EVPL: variants seen among roughly 807,000 people sequenced by gnomAD.
EVPL encodes the protein 210 kDa cornified envelope precursor protein.
EVPL carries 94 observed loss-of-function variants against 129.7 expected under a neutral mutation model. The observed-to-expected ratio is 0.72, with a 90% CI of 0.61 to 0.86. The LOEUF is 0.86. EVPL is among the 40% of genes least tolerant of loss of function. The pLI is 0.00. For missense variants in EVPL, 2,625 were observed against 2,721.1 expected (o/e 0.96, Z 0.79); for synonymous variants, 1,172 against 1,191.1 (o/e 0.98, Z 0.33).
chr17:76,007,375 GC>G lies in EVPL; in HGVS notation c.5829del (p.Leu1944SerfsTer20). 5 of 1,596,652 alleles carry G rather than the reference GC, an allele frequency of 3.1e-6. No individual in the cohort carries two copies. Among genetic ancestry groups the G allele is most frequent in the Admixed American group, 1.7e-5 (1 of 59,294 alleles). ...PHLQVQHLTG[G>X]LIDPKRTGRI... ...CGGCCTGTCCTCTTGGGGTCGATGA[GC>G]CCCCCGGTCAGGTGCTGCACCTGCA... On this transcript the variant is annotated frameshift_variant, in exon 22 of 22. Transcript: ENST00000301607. LOFTEE classifies it low-confidence loss of function (END_TRUNC). This position sits in a 1 kb window ranked among gnomAD's most constrained non-coding sequence, Gnocchi z 8.8.
intron 4 of EVPL, 45 bp downstream of exon 4, chr17:76,023,247 G>A (rs757076416): frequency 7.5e-6 from 12 of 1,610,200 alleles, no homozygotes; most frequent in Middle Eastern, 1.7e-4. Flanking sequence ...ATGCAGTTCC[G>A]TATCGCCCTC....
chr17:76,015,403 C>A (rs1157316597), intron 15 of EVPL, 38 bp from the exon 16 acceptor site: 7 of 1,603,696 alleles, frequency 4.4e-6, no homozygotes, highest in Non-Finnish European at 5.1e-6. Flanking sequence ...ACTCCCTGGG[C>A]CACACGCTGC....
chr17:76,008,576 G>A lies in EVPL; in HGVS notation c.4629C>T (p.Leu1543=). The change falls in exon 22 of 22, where the codon CTC becomes CTT. Residue 1543 remains leucine, a synonymous_variant. Transcript: ENST00000301607. This position sits in a 1 kb window ranked among gnomAD's most constrained non-coding sequence, Gnocchi z 7.4. ...CCTGCCGGGCCGTGCGCTCCCTGTT[G>A]AGCATCTCCCACACGCGGGCCCGCT... is the stretch of plus-strand genomic sequence containing the variant. ...EDERARVWEM[L]NRERTARQAR... 1 of 1,610,770 alleles carries A rather than the reference G, an allele frequency of 6.2e-7. No individual in the cohort carries two copies. The highest frequency in any genetic ancestry group is 1.1e-5 in the South Asian group (1 of 91,088).
At chr17:76,014,871 T>C in intron 17 of EVPL, 45 bp downstream of exon 17, 1 of 1,530,392 alleles carries the variant, frequency 6.5e-7, no homozygotes, top group East Asian at 2.3e-5. Flanking sequence ...AATGCCTGGC[T>C]CTGCACCAGC....
chr17:76,015,996 T>A (rs1019278500), intron 14 of EVPL, among the ~76,000 whole-genome samples: 3 of 151,898 alleles, frequency 2.0e-5, no homozygotes, highest in Admixed American at 6.6e-5. Flanking sequence ...ATACAAAAAT[T>A]AGCCGGCCGT....
At chr17:76,014,714 C>A in intron 17 of EVPL, 138 bp from the exon 18 acceptor site, 1 of 1,274,402 alleles carries the variant, frequency 7.8e-7, no homozygotes, top group African/African-American at 1.5e-5. Context: ...GATCCCCACT[C>A]CCTGACCCTG....
rs575114615 is a variant in EVPL at position 76,013,838 on chromosome 17, G to A, written c.2373+588C>T. ...GCCTGGAAGCATCCCCTCCCCAGCAGCTTCTGGGGGCTGCAGGAGAGAGTG... is the reference window on the plus strand; with the variant it reads ...GCCTGGAAGCATCCCCTCCCCAGCAACTTCTGGGGGCTGCAGGAGAGAGTG... On this transcript the variant is annotated intron_variant, in intron 18 of 21. Coordinates refer to ENST00000301607, the MANE Select transcript of EVPL (RefSeq NM_001988.4). The surrounding 1 kb of genome is among the most constrained non-coding windows in gnomAD (Gnocchi z 4.3). Among the ~76,000 whole-genome samples, 1 of 152,286 alleles carries A rather than the reference G, an allele frequency of 6.6e-6. No individual in the cohort carries two copies. Among genetic ancestry groups the A allele is most frequent in the East Asian group, 1.9e-4 (1 of 5,170 alleles).
intron 11 of EVPL, 36 bp from the exon 12 acceptor site, chr17:76,018,636 C>T (rs1294163605): frequency 6.4e-7 from 1 of 1,565,322 alleles, no homozygotes; most frequent in Non-Finnish European, 8.7e-7. Flanking sequence ...CCTGAGGGCT[C>T]AGGGGCAGGG....
rs2066470578 is a variant in EVPL, at chr17:76,022,601, C to G, written c.481-63G>C. On this transcript the variant is annotated intron_variant, in intron 4 of 21. Transcript: ENST00000301607. The surrounding 1 kb of genome is among the most constrained non-coding windows in gnomAD (Gnocchi z 5.6). ...CGGTGGGGAGCCAGAGAACCCCACA[C>G]GCCTCCCACCCGGAGAAGTGGACTT... 3 of 1,529,138 alleles carry G rather than the reference C, an allele frequency of 2.0e-6. 1 individual carries two copies. In the South Asian group the frequency reaches 3.6e-5, roughly 18 times the overall value. The allele number at this position is 1,529,138 out of a possible 1,614,324, so 94.7% of individuals were successfully genotyped here. A position where few individuals can be genotyped will look rare whatever the true frequency, so the allele number is the denominator to read the frequency against.
chr17:76,018,997 C>A lies in EVPL; in HGVS notation c.1201G>T (p.Asp401Tyr). 1 of 1,568,566 alleles carries A rather than the reference C, an allele frequency of 6.4e-7. No homozygotes were observed. The highest frequency in any genetic ancestry group is 8.6e-7 in the Non-Finnish European group (1 of 1,163,826). ...CTTCGCTGTGGCAGAGGGGCCACAT[C>A]CCGGCTTCGCCGCTGCAGGTCCCCA... ...ATGDLQRRSR[D>Y]VAPLPQRRNP... Residue 401 changes from aspartate to tyrosine, a missense_variant, in exon 11 of 22, where the codon GAT (aspartate) becomes TAT (tyrosine). Around this residue, in one of 4 missense-constraint regions of EVPL, gnomAD observed 1,024 missense variants for 997.5 expected, o/e 1.03. Coordinates refer to ENST00000301607, the MANE Select transcript of EVPL (RefSeq NM_001988.4).
At chr17:76,025,010 G>A (rs1216764698) in intron 1 of EVPL, among the ~76,000 whole-genome samples, 1 of 152,188 alleles carries the variant, frequency 6.6e-6, no homozygotes, top group Non-Finnish European at 1.5e-5. Context: ...GCCCCCCCAG[G>A]CAAAGGGACA....
At chr17:76,023,921 C>T in intron 2 of EVPL, 100 bp downstream of exon 2, 1 of 1,444,820 alleles carries the variant, frequency 6.9e-7, no homozygotes, top group Admixed American at 2.0e-5. Flanking sequence ...GTCCCATCTT[C>T]ACCATCACCA....
Position 76,009,765 on chromosome 17 carries a change from C to A in EVPL, c.3440G>T (p.Gly1147Val). ...KEVKKVEQDP[G>V]LLQESSRLRS... is the part of the protein sequence containing the mutation. ...CAGCCTGGAGGACTCCTGGAGGAGC[C>A]CTGGGTCCTGCTCCACCTTCTTCAC... The change falls in exon 22 of 22, where the codon GGG becomes GTG. Residue 1147 changes from glycine to valine, a missense_variant. Physicochemically the swap from Gly to Val is moderately radical, Grantham distance 109. This residue lies in a region of EVPL where 1,453 missense variants were observed against 1,511.8 expected (regional missense o/e 0.96). Coordinates refer to ENST00000301607, the MANE Select transcript of EVPL (RefSeq NM_001988.4). This position sits in a 1 kb window ranked among gnomAD's most constrained non-coding sequence, Gnocchi z 5.9. 2 of 1,613,850 alleles carry A rather than the reference C, an allele frequency of 1.2e-6. No homozygotes were observed. Among genetic ancestry groups the A allele is most frequent in the Non-Finnish European group, 1.7e-6 (2 of 1,180,010 alleles).
chr17:76,015,616 G>T lies in EVPL; in HGVS notation c.1723C>A (p.Arg575Ser). The T allele has an allele frequency of 1.2e-6, 2 of 1,612,702 alleles. No individual in the cohort carries two copies. The highest frequency in any genetic ancestry group is 1.7e-6 in the Non-Finnish European group (2 of 1,179,610). The change falls in exon 15 of 22, where the codon CGC becomes AGC. Residue 575 changes from arginine (R) to serine (S), a missense_variant. Physicochemically the swap from Arg to Ser is moderately radical, Grantham distance 110 (BLOSUM62 -1). This residue lies in a region of EVPL where 1,024 missense variants were observed against 997.5 expected (regional missense o/e 1.03). Coordinates refer to ENST00000301607, the MANE Select transcript of EVPL (RefSeq NM_001988.4). ...RIHSHEGTAQRLQSLGTEKET... is the reference protein window; with the variant it reads ...RIHSHEGTAQSLQSLGTEKET... ...TTCTCCGTTCCCAGGCTCTGCAGGC[G>T]CTGGGCTGTGCCCTAAAGAGGGGCG... is the stretch of plus-strand genomic sequence containing the variant.
Position 76,007,871 on chromosome 17 carries a change from C to T in EVPL, c.5334G>A (p.Leu1778=). The change falls in exon 22 of 22, where the codon CTG becomes CTA. Residue 1778 remains leucine (L), a synonymous_variant. Coordinates refer to ENST00000301607, the MANE Select transcript of EVPL (RefSeq NM_001988.4). This position sits in a 1 kb window ranked among gnomAD's most constrained non-coding sequence, Gnocchi z 8.8. ...TTGGCTTGGTCTCCCCAGCTACAAGCAGCGCAAACTCGGAGATGGGCAGGT... is the reference window on the plus strand; with the variant it reads ...TTGGCTTGGTCTCCCCAGCTACAAGTAGCGCAAACTCGGAGATGGGCAGGT... ...DGHLPISEFA[L]LVAGETKPSS... 6.2e-7 allele frequency: 1 copy of T among 1,613,726 alleles called. No homozygotes were observed. The highest frequency in any genetic ancestry group is 8.5e-7 in the Non-Finnish European group (1 of 1,179,752).
At chr17:76,021,610 C>CCA in intron 8 of EVPL, 47 bp from the exon 9 acceptor site, 2 of 1,357,546 alleles carry the variant, frequency 1.5e-6, no homozygotes, top group Non-Finnish European at 1.9e-6. Context: ...CCCCCACGTC[C>CCA]GCCCCACCTC....
Position 76,017,809 on chromosome 17 carries a change from G to A in EVPL, c.1640C>T (p.Ala547Val). The part of the protein sequence containing the change: ...DLGQIERQVL[A>V]WARAPLSRPT... ...GCGGCTCAGCGGGGCCCGCGCCCAG[G>A]CCAGCACCTGCCTCTCTATCTGTCC... The change falls in exon 14 of 22, where the codon GCC becomes GTC. Residue 547 changes from alanine (A) to valine (V), a missense_variant. Transcript: ENST00000301607. 1.2e-6 allele frequency: 2 copies of A among 1,613,440 alleles called. No individual in the cohort carries two copies. Among genetic ancestry groups the A allele is most frequent in the East Asian group, 2.2e-5 (1 of 44,888 alleles).
At chr17:76,012,953 C>T (rs1042629797) in intron 18 of EVPL, among the ~76,000 whole-genome samples, 1 of 151,776 alleles carries the variant, frequency 6.6e-6, no homozygotes, top group Non-Finnish European at 1.5e-5. Context: ...ACCGTGTTAG[C>T]CAGGATGGTC....
Position 76,008,997 on chromosome 17 carries a change from C to A in EVPL, c.4208G>T (p.Arg1403Leu), listed in dbSNP as rs761584250. 6.2e-7 allele frequency: 1 copy of A among 1,611,922 alleles called. No individual in the cohort carries two copies. Among genetic ancestry groups the A allele is most frequent in the Non-Finnish European group, 8.5e-7 (1 of 1,179,880 alleles). Residue 1403 changes from arginine to leucine, a missense_variant, in exon 22 of 22, where the codon CGC becomes CTC. By Grantham distance (102) the Arg-to-Leu change is moderately radical. Transcript: ENST00000301607. The surrounding 1 kb of genome is among the most constrained non-coding windows in gnomAD (Gnocchi z 7.4). ...GSLDEEVGRRRQLELEVQQLR... is the reference protein window; with the variant it reads ...GSLDEEVGRRLQLELEVQQLR... Reference sequence around the variant, plus strand: ...CTGCTGCACCTCAAGCTCTAGCTGGCGCCGCCGGCCCACCTCCTCATCCAG... The same window carrying A: ...CTGCTGCACCTCAAGCTCTAGCTGGAGCCGCCGGCCCACCTCCTCATCCAG...
Sources: allele counts gnomAD v4.1 joint callset (sites outside exome capture counted in the v4.1 genomes callset), GRCh38; gene constraint gnomAD v4.1.1; regional missense constraint gnomAD v4.1.1; non-coding constraint Gnocchi (gnomAD v3.1); transcripts MANE v1.5; gene names NCBI Gene and HGNC (gene_info 2026-07-23, HGNC 2026-07-21).